MGAT4C: variants seen among roughly 807,000 people sequenced by gnomAD.
The protein encoded by MGAT4C is alpha-1,3-mannosyl-glycoprotein 4-beta-N-acetylglucosaminyltransferase C.
In MGAT4C, 19 loss-of-function variants were observed where a neutral mutation model predicts 40.1. The ratio of observed to expected loss-of-function variants is 0.47; its 90% CI spans 0.33 to 0.70. MGAT4C has a LOEUF of 0.70. Ranked by LOEUF, MGAT4C falls within the 30% of genes least tolerant of loss-of-function variation. The pLI is 0.02. For synonymous variants in MGAT4C, 181 were observed against 187.1 expected, an observed-to-expected ratio of 0.97 and a Z score of 0.27; for missense variants, 491 against 563.2, an observed-to-expected ratio of 0.87 and a Z score of 1.30.
rs187732226 is a variant in MGAT4C, at chr12:86,461,576, A to G, written c.-228-26311T>C. Reference sequence around the variant, plus strand: ...TCTTACTAATAGTTATATACATACTATAATTGGTCTCAGTGAACAATTCTT... The same window carrying G: ...TCTTACTAATAGTTATATACATACTGTAATTGGTCTCAGTGAACAATTCTT... On this transcript the variant is annotated intron_variant, in intron 2 of 7. Transcript: ENST00000548651. 1.6e-3 allele frequency among the ~76,000 whole-genome samples: 241 copies of G among 152,258 alleles called. 3 individuals carry two copies. The highest frequency in any genetic ancestry group is 4.3e-3 in the South Asian group (21 of 4,828).
chr12:86,732,367 A>G (rs898582321), intron 1 of MGAT4C, among the ~76,000 whole-genome samples: 1 of 152,152 alleles, frequency 6.6e-6, no homozygotes, highest in Non-Finnish European at 1.5e-5. Flanking sequence ...AGTGCATTAC[A>G]TTTATTGCAC....
chr12:86,077,015 C>T (rs548075590), intron 1 of MGAT4C, among the ~76,000 whole-genome samples: 10 of 152,270 alleles, frequency 6.6e-5, no homozygotes, highest in African/African-American at 2.4e-4. Flanking sequence ...TTTCTGCCTT[C>T]TTACATTCTA....
At chr12:86,046,393 C>T (rs1341193948) in intron 2 of MGAT4C, among the ~76,000 whole-genome samples, 1 of 152,166 alleles carries the variant, frequency 6.6e-6, no homozygotes, top group Non-Finnish European at 1.5e-5. Flanking sequence ...CCCTGACTGC[C>T]ATGGGAACAG....
chr12:86,034,596 A>G lies in MGAT4C; in HGVS notation c.-7+15078T>C, dbSNP rs556130842. ...TGTTTTTTTTAAATTTTTTTTTATT[A>G]TACTTTAAGTTCTGGAGTACATGTG... On this transcript the variant is annotated intron_variant, in intron 2 of 4. Coordinates refer to ENST00000611864, the MANE Select transcript of MGAT4C (RefSeq NM_001351288.2). Among the ~76,000 whole-genome samples, 10 of 147,414 alleles carry G rather than the reference A, an allele frequency of 6.8e-5. 2 individuals carry two copies. Among genetic ancestry groups the G allele is most frequent in the South Asian group, 2.1e-4 (1 of 4,686 alleles).
chr12:86,528,013 A>T (rs2136368919), intron 2 of MGAT4C, among the ~76,000 whole-genome samples: 1 of 152,286 alleles, frequency 6.6e-6, no homozygotes, highest in South Asian at 2.1e-4. Context: ...AAATAAAAAT[A>T]AATGTTAAAA....
At chr12:86,765,347 C>T (rs2136158717) in intron 1 of MGAT4C, among the ~76,000 whole-genome samples, 1 of 152,208 alleles carries the variant, frequency 6.6e-6, no homozygotes, top group South Asian at 2.1e-4. Context: ...ACAAAGCCTC[C>T]AAGAAATATG....
chr12:86,345,944 T>C (rs1955022792), intron 3 of MGAT4C, among the ~76,000 whole-genome samples: 1 of 152,340 alleles, frequency 6.6e-6, no homozygotes, highest in Admixed American at 6.5e-5. Flanking sequence ...ATGATCGCCA[T>C]TCTAACTGGT....
chr12:86,592,001 C>G (rs1275168623), intron 2 of MGAT4C, among the ~76,000 whole-genome samples: 1 of 151,928 alleles, frequency 6.6e-6, no homozygotes, highest in Non-Finnish European at 1.5e-5. Context: ...TTATTTAAGT[C>G]TTTCATTAAA....
Position 86,563,921 on chromosome 12 carries a change from C to A in MGAT4C, c.-228-128656G>T, listed in dbSNP as rs1455732086. Among the ~76,000 whole-genome samples the A allele has an allele frequency of 1.2e-4, 19 of 152,162 alleles. 1 individual carries two copies. Among genetic ancestry groups the A allele is most frequent in the Non-Finnish European group, 1.5e-5 (1 of 68,028 alleles). On this transcript the variant is annotated intron_variant, in intron 2 of 7. Transcript: ENST00000548651. The stretch of plus-strand genomic sequence containing the variant: ...TGGCACTGACATACTTAGCAGCTGG[C>A]AGAATCCCCACATTGGTTCCCTGGC...
At chr12:86,029,099 C>T (rs543620096) in intron 2 of MGAT4C, among the ~76,000 whole-genome samples, 1 of 151,792 alleles carries the variant, frequency 6.6e-6, no homozygotes, top group African/African-American at 2.4e-5. Context: ...ATGTTATAAG[C>T]AGTAAAGCCT....
At position 85,978,060 on chromosome 12, in the gene MGAT4C, AG is replaced by A. The variant is rs1410781752; in HGVS notation, c.*1228del. On this transcript the variant is annotated 3_prime_UTR_variant, in exon 5 of 5. Coordinates refer to ENST00000611864, the MANE Select transcript of MGAT4C (RefSeq NM_001351288.2). ...ACACTCTCCAATCCCTATTAGGAAA[AG>A]TTTAGTCAAGTTTGCTTACTATTTG... The A allele has an allele frequency of 6.6e-6, 1 of 151,510 alleles. No homozygotes were observed. Among genetic ancestry groups the A allele is most frequent in the Non-Finnish European group, 1.5e-5 (1 of 67,610 alleles). The allele number at this position is 151,510 out of a possible 1,614,324, so 9.4% of individuals were successfully genotyped here. A position where few individuals can be genotyped will look rare whatever the true frequency, so the allele number is the denominator to read the frequency against.
chr12:86,734,907 AT>A (rs1439861518), intron 1 of MGAT4C, among the ~76,000 whole-genome samples: 10 of 152,186 alleles, frequency 6.6e-5, no homozygotes, highest in Admixed American at 6.6e-4. Context: ...AAGAAGTGAA[AT>A]AATATACTGA....
At chr12:86,399,026 A>C (rs570941537) in intron 3 of MGAT4C, among the ~76,000 whole-genome samples, 1 of 152,150 alleles carries the variant, frequency 6.6e-6, no homozygotes, top group East Asian at 1.9e-4. Context: ...GCTGAAGTGC[A>C]GTGGCGCCAT....
chr12:86,443,889 C>T (rs771508090), intron 2 of MGAT4C, among the ~76,000 whole-genome samples: 43 of 152,110 alleles, frequency 2.8e-4, no homozygotes, highest in Admixed American at 4.6e-4. Context: ...CCACCATGCC[C>T]GGCCTGTCTA....
At chr12:86,824,352 T>C (rs899843192) in intron 1 of MGAT4C, among the ~76,000 whole-genome samples, 1 of 151,448 alleles carries the variant, frequency 6.6e-6, no homozygotes, top group African/African-American at 2.4e-5. Flanking sequence ...ATAAATTGTA[T>C]GTTTAGGTTG....
intron 2 of MGAT4C, among the ~76,000 whole-genome samples, chr12:86,639,051 T>C (rs2136517055): frequency 6.6e-6 from 1 of 151,910 alleles, no homozygotes; most frequent in East Asian, 1.9e-4. Flanking sequence ...AATAACAATT[T>C]GAAAATCTCA....
chr12:86,579,547 T>C (rs545662384), intron 2 of MGAT4C, among the ~76,000 whole-genome samples: 62 of 151,734 alleles, frequency 4.1e-4, no homozygotes, highest in African/African-American at 1.3e-3. Flanking sequence ...TTTCCTGACT[T>C]ATCATTTAGT....
At chr12:86,789,675 C>A (rs971812170) in intron 1 of MGAT4C, among the ~76,000 whole-genome samples, 1 of 151,924 alleles carries the variant, frequency 6.6e-6, no homozygotes, top group Non-Finnish European at 1.5e-5. Context: ...CTGTAATAAT[C>A]GAGATGACAT....
chr12:85,992,281 A>T (rs977454971), intron 2 of MGAT4C, among the ~76,000 whole-genome samples: 1 of 152,174 alleles, frequency 6.6e-6, no homozygotes, highest in African/African-American at 2.4e-5. Context: ...CTGGGTGTTG[A>T]GAATGTTGGC....
Sources: allele counts gnomAD v4.1 joint callset (sites outside exome capture counted in the v4.1 genomes callset), GRCh38; gene constraint gnomAD v4.1.1; transcripts MANE v1.5; gene names NCBI Gene and HGNC (gene_info 2026-07-23, HGNC 2026-07-21).